SLC16A10: variants seen among roughly 807,000 people sequenced by gnomAD.
SLC16A10 encodes the protein monocarboxylate transporter 10.
Under a neutral mutation model 40.0 loss-of-function variants are expected in SLC16A10, and 27 were observed. The ratio of observed to expected loss-of-function variants is 0.67; its 90% confidence interval spans 0.50 to 0.93. The LOEUF (loss-of-function observed/expected upper bound fraction) is 0.93, where lower values mean the gene tolerates loss of function less well. Ranked by LOEUF, SLC16A10 falls within the 40% of genes least tolerant of loss-of-function variation. The pLI is 0.00. For missense variants in SLC16A10, 529 were observed against 658.2 expected (o/e 0.80, Z 2.15); for synonymous variants, 213 against 249.8 (o/e 0.85, Z 1.39).
In SLC16A10 at chr6:111,140,095, A is replaced by C. The variant is rs573676737; in HGVS notation, c.344-32600A>C. On this transcript the variant is annotated intron_variant, in intron 1 of 5. Coordinates refer to ENST00000368851, the MANE Select transcript of SLC16A10 (RefSeq NM_018593.5). ...TGGACAATGTAATAATATGTACAAC[A>C]AACCCCTGTGACACATGTTTATCTA... Among the ~76,000 whole-genome samples the C allele has an allele frequency of 6.6e-5, 10 of 152,312 alleles. No individual in the cohort carries two copies. In the South Asian group the frequency reaches 1.7e-3, roughly 25 times the overall value.
chr6:111,183,381 C>T (rs931722581), intron 3 of SLC16A10, among the ~76,000 whole-genome samples: 9 of 152,158 alleles, frequency 5.9e-5, no homozygotes, highest in Non-Finnish European at 1.0e-4. Context: ...TATATTTACA[C>T]GTCTGCTAGA....
chr6:111,182,173 G>T (rs930624756), intron 3 of SLC16A10, among the ~76,000 whole-genome samples: 23 of 151,800 alleles, frequency 1.5e-4, no homozygotes, highest in Non-Finnish European at 3.4e-4. Context: ...TTAATTTTTT[G>T]TATTTTTAGT....
chr6:111,149,849 T>A (rs1772142060), intron 1 of SLC16A10, among the ~76,000 whole-genome samples: 1 of 152,210 alleles, frequency 6.6e-6, no homozygotes. Flanking sequence ...TATGTTAAAA[T>A]TTTTGGTTAA....
At chr6:111,193,264 T>C in intron 3 of SLC16A10, 1 of 985,720 alleles carries the variant, frequency 1.0e-6, no homozygotes, top group South Asian at 4.7e-5. Context: ...TTTTCTAGCT[T>C]TTCTAACCTT....
At position 111,177,581 on chromosome 6, in the gene SLC16A10, C is replaced by T. The variant is rs1432649105; in HGVS notation, c.858C>T (p.Ala286=). The part of the protein sequence containing the change: ...FSPPKKIFNF[A]IFKVTAYAVW... ...CTCCAAAAAAAATTTTCAATTTTGCCATCTTCAAGGTGACAGCTTATGCAG... is the reference window on the plus strand; with the variant it reads ...CTCCAAAAAAAATTTTCAATTTTGCTATCTTCAAGGTGACAGCTTATGCAG... Residue 286 remains alanine, a synonymous_variant, in exon 3 of 6, where the codon GCC becomes GCT. Coordinates refer to ENST00000368851, the MANE Select transcript of SLC16A10 (RefSeq NM_018593.5). 1.2e-6 allele frequency: 2 copies of T among 1,611,848 alleles called. No individual in the cohort carries two copies. The highest frequency in any genetic ancestry group is 2.7e-5 in the African/African-American group (2 of 74,750).
chr6:111,220,903 T>C (rs1471779518), intron 5 of SLC16A10, among the ~76,000 whole-genome samples: 1 of 152,214 alleles, frequency 6.6e-6, no homozygotes, highest in Non-Finnish European at 1.5e-5. Flanking sequence ...GGCATCATAG[T>C]ATTACAGCAG....
At chr6:111,139,935 CT>C (rs1771951150) in intron 1 of SLC16A10, among the ~76,000 whole-genome samples, 1 of 152,058 alleles carries the variant, frequency 6.6e-6, no homozygotes, top group African/African-American at 2.4e-5. Context: ...TACTTTTTGA[CT>C]TATAGGTGGG....
At position 111,095,182 on chromosome 6, in the gene SLC16A10, C is replaced by G. The variant is rs781624663; in HGVS notation, c.343+7087C>G. On this transcript the variant is annotated intron_variant, in intron 1 of 5. Transcript: ENST00000368851. ...TCTCTCCCTTACTGGTCTTTGTGTTCTAGCCAACCTGTAGGTGTTACACTG... is the reference window on the plus strand; with the variant it reads ...TCTCTCCCTTACTGGTCTTTGTGTTGTAGCCAACCTGTAGGTGTTACACTG... Among the ~76,000 whole-genome samples the G allele has an allele frequency of 3.3e-5, 5 of 152,316 alleles. No individual in the cohort carries two copies. In the East Asian group the frequency reaches 9.6e-4, roughly 29 times the overall value.
At chr6:111,124,560 G>T (rs1409688146) in intron 1 of SLC16A10, among the ~76,000 whole-genome samples, 1 of 152,050 alleles carries the variant, frequency 6.6e-6, no homozygotes, top group Non-Finnish European at 1.5e-5. Flanking sequence ...ATGAGATTTT[G>T]TCATGTTGCC....
intron 1 of SLC16A10, among the ~76,000 whole-genome samples, chr6:111,106,211 A>G (rs1163232167): frequency 6.6e-6 from 1 of 152,254 alleles, no homozygotes; most frequent in Non-Finnish European, 1.5e-5. Flanking sequence ...TTTAAATTCC[A>G]TGCCAACACA....
rs1014995675 is a variant in SLC16A10 at position 111,179,167 on chromosome 6, C to T, written c.942+1502C>T. Among the ~76,000 whole-genome samples, 32 of 152,112 alleles carry T rather than the reference C, an allele frequency of 2.1e-4. 1 individual carries two copies. On this transcript the variant is annotated intron_variant, in intron 3 of 5. Transcript: ENST00000368851. ...CTTTGGTACTACCACATGAACACAC[C>T]TAGAGAAATCATAACTCAGCTTTGC... is the stretch of plus-strand genomic sequence containing the variant.
intron 1 of SLC16A10, among the ~76,000 whole-genome samples, chr6:111,103,093 A>G (rs1771218082): frequency 6.6e-6 from 1 of 151,910 alleles, no homozygotes; most frequent in South Asian, 2.1e-4. Flanking sequence ...TTTTGTAGAG[A>G]CGGGGTTTCG....
At chr6:111,154,978 A>T (rs1404812463) in intron 1 of SLC16A10, among the ~76,000 whole-genome samples, 5 of 147,840 alleles carry the variant, frequency 3.4e-5, no homozygotes, top group Non-Finnish European at 4.4e-5. Flanking sequence ...AACTGAAATC[A>T]CACCACTGCA....
intron 4 of SLC16A10, among the ~76,000 whole-genome samples, chr6:111,215,813 T>C (rs78080415): frequency 0.1 from 15,460 of 152,228 alleles, 1,040 homozygotes; most frequent in Middle Eastern, 0.18. Flanking sequence ...AAGAATGGCC[T>C]GGGCAACATA....
intron 1 of SLC16A10, among the ~76,000 whole-genome samples, chr6:111,150,707 G>C (rs979773330): frequency 1.3e-5 from 2 of 152,136 alleles, no homozygotes; most frequent in Admixed American, 1.3e-4. Context: ...TCTACCAAAG[G>C]CCTCAATCAG....
chr6:111,107,239 C>G (rs1009207414), intron 1 of SLC16A10, among the ~76,000 whole-genome samples: 1 of 152,124 alleles, frequency 6.6e-6, no homozygotes, highest in Non-Finnish European at 1.5e-5. Context: ...CTTGTTACAA[C>G]ATGTCTGAAC....
chr6:111,110,855 G>T (rs560798655), intron 1 of SLC16A10, among the ~76,000 whole-genome samples: 1 of 152,060 alleles, frequency 6.6e-6, no homozygotes, highest in Non-Finnish European at 1.5e-5. Flanking sequence ...TTTCACTTCC[G>T]TGCCATATAG....
chr6:111,200,211 C>T (rs926565342), intron 3 of SLC16A10, among the ~76,000 whole-genome samples: 8 of 152,126 alleles, frequency 5.3e-5, no homozygotes, highest in Admixed American at 3.3e-4. Flanking sequence ...ACAGAAATAT[C>T]GTTGGGCTAC....
chr6:111,187,288 G>T (rs1772914059), intron 3 of SLC16A10, among the ~76,000 whole-genome samples: 1 of 152,184 alleles, frequency 6.6e-6, no homozygotes, highest in Non-Finnish European at 1.5e-5. Flanking sequence ...AGCAAGAAAA[G>T]AACCAGATTT....
Sources: gnomAD v4.1 joint callset for allele counts (sites outside exome capture counted in the v4.1 genomes callset) on GRCh38, gnomAD v4.1.1 for gene constraint, MANE v1.5 for transcripts, NCBI Gene and HGNC (gene_info 2026-07-23, HGNC 2026-07-21) for gene names.